The following PDE4A variants were observed in gnomAD, a reference collection of about 807,000 sequenced individuals.
The protein encoded by PDE4A is phosphodiesterase 4A, also known as 3',5'-cyclic-AMP phosphodiesterase 4A.
A neutral mutation model predicts 73.9 loss-of-function variants in PDE4A; 21 were observed. The observed-to-expected ratio is 0.28, with a 90% CI of 0.20 to 0.41. The LOEUF is 0.41. Ranked by LOEUF, PDE4A falls within the 10% of genes least tolerant of loss-of-function variation. The pLI is 1.00. For missense variants in PDE4A, 958 were observed against 1,211.4 expected, an observed-to-expected ratio of 0.79 and a Z score of 3.10; for synonymous variants, 463 against 505.4, an observed-to-expected ratio of 0.92 and a Z score of 1.13.
chr19:10,444,728 T>C (rs918182087), intron 1 of PDE4A, among the ~76,000 whole-genome samples: 10 of 150,156 alleles, frequency 6.7e-5, no homozygotes, highest in Non-Finnish European at 1.3e-4. Flanking sequence ...TGGAGCGCAG[T>C]GGCAAGATCT....
At chr19:10,432,942 A>T (rs1024002651) in intron 1 of PDE4A, among the ~76,000 whole-genome samples, 1 of 152,074 alleles carries the variant, frequency 6.6e-6, no homozygotes, top group Non-Finnish European at 1.5e-5. Flanking sequence ...TGCCTGGCTC[A>T]GTGTCTCCAG....
chr19:10,429,694 A>G (rs1233454075), intron 1 of PDE4A, among the ~76,000 whole-genome samples: 2 of 152,070 alleles, frequency 1.3e-5, no homozygotes, highest in Non-Finnish European at 2.9e-5. Flanking sequence ...GTGGCATTCT[A>G]GGTTGTCCCC....
intron 6 of PDE4A, 166 bp from the exon 7 acceptor site, chr19:10,454,663 G>C: frequency 1.3e-6 from 1 of 799,334 alleles, no homozygotes; most frequent in Non-Finnish European, 1.5e-6. Flanking sequence ...TGGGAGGACA[G>C]GAAAGGCTGA....
intron 7 of PDE4A, 108 bp from the exon 8 acceptor site, chr19:10,457,771 G>GC: frequency 1.3e-6 from 2 of 1,520,530 alleles, no homozygotes; most frequent in South Asian, 2.6e-5. Flanking sequence ...AAAGGGTTCT[G>GC]CCGTTTCGGG....
Position 10,453,928 on chromosome 19 carries a change from G to A in PDE4A, c.784-901G>A, listed in dbSNP as rs75231299. ...AGCACCCCGTCCAAGCCTGGGCCATGCAGGCTCACCCCTCCTGCCAAGTGT... is the reference window on the plus strand; with the variant it reads ...AGCACCCCGTCCAAGCCTGGGCCATACAGGCTCACCCCTCCTGCCAAGTGT... On this transcript the variant is annotated intron_variant, in intron 6 of 14. Transcript: ENST00000380702. This position sits in a 1 kb window ranked among gnomAD's most constrained non-coding sequence, Gnocchi z 4.6. 0.028 allele frequency among the ~76,000 whole-genome samples: 4,280 copies of A among 152,208 alleles called. 198 individuals are homozygous for A. Among genetic ancestry groups the A allele is most frequent in the African/African-American group, 0.098 (4,072 of 41,512 alleles).
chr19:10,439,221 G>A (rs996903416), intron 1 of PDE4A, among the ~76,000 whole-genome samples: 7 of 151,944 alleles, frequency 4.6e-5, no homozygotes, highest in Non-Finnish European at 1.0e-4. Flanking sequence ...TCATTCTGTC[G>A]GCCAGGCTGG....
rs895632451 is a variant in PDE4A at position 10,466,443 on chromosome 19, T to C, written c.1927-444T>C. On this transcript the variant is annotated intron_variant, in intron 14 of 14. Transcript: ENST00000380702. ...CTGGGTGACAGAGCAAGACTCCGTCTCAAAAAAAAAAAAAAAAAAGTGTGT... is the reference window on the plus strand; with the variant it reads ...CTGGGTGACAGAGCAAGACTCCGTCCCAAAAAAAAAAAAAAAAAAGTGTGT... Among the ~76,000 whole-genome samples the C allele has an allele frequency of 4.6e-3, 212 of 46,190 alleles. 2 individuals carry two copies. Among genetic ancestry groups the C allele is most frequent in the East Asian group, 0.038 (45 of 1,188 alleles). 30.3% of individuals were successfully genotyped at this position (46,190 alleles called of 152,430 possible).
Position 10,467,752 on chromosome 19 carries a change from GT to G in PDE4A, c.*138del, listed in dbSNP as rs1257376333. 12 of 643,576 alleles carry G rather than the reference GT, an allele frequency of 1.9e-5. No homozygotes were observed. Among genetic ancestry groups the G allele is most frequent in the East Asian group, 3.1e-5 (1 of 32,580 alleles). The allele number at this position is 643,576 out of a possible 1,614,324, so 39.9% of individuals were successfully genotyped here. ...GAGAAAAAAGAAAACGAAAAGTGGG[GT>G]TTTTTTCTGTTTTCTTTTTTTCCCC... is the stretch of plus-strand genomic sequence containing the variant. On this transcript the variant is annotated 3_prime_UTR_variant, in exon 15 of 15. Coordinates refer to ENST00000380702, the MANE Select transcript of PDE4A (RefSeq NM_001111307.2).
chr19:10,467,086 T>G lies in PDE4A; in HGVS notation c.2126T>G (p.Phe709Cys). ...GHPPLPDKFQ[F>C]ELTLEEEEEE... Reference sequence around the variant, plus strand: ...CCACCCCTGCCTGACAAGTTCCAGTTTGAGCTGACGCTGGAGGAGGAAGAG... The same window carrying G: ...CCACCCCTGCCTGACAAGTTCCAGTGTGAGCTGACGCTGGAGGAGGAAGAG... The change falls in exon 15 of 15, where the codon TTT (phenylalanine) becomes TGT (cysteine). Residue 709 changes from phenylalanine (F) to cysteine (C), a missense_variant. Around this residue, in one of 3 missense-constraint regions of PDE4A, gnomAD observed 243 missense variants for 245.9 expected, o/e 0.99. Transcript: ENST00000380702. 1 of 1,614,072 alleles carries G rather than the reference T, an allele frequency of 6.2e-7. No homozygotes were observed. Among genetic ancestry groups the G allele is most frequent in the Non-Finnish European group, 8.5e-7 (1 of 1,180,004 alleles).
chr19:10,446,594 T>C (rs887744188), intron 2 of PDE4A, among the ~76,000 whole-genome samples, 185 bp downstream of exon 2: 4 of 151,028 alleles, frequency 2.6e-5, no homozygotes, highest in African/African-American at 9.7e-5. Context: ...TTTTTTTTTT[T>C]TTTCTTTTTT....
intron 12 of PDE4A, 46 bp from the exon 13 acceptor site, chr19:10,461,831 T>C: frequency 6.2e-7 from 1 of 1,600,576 alleles, no homozygotes; most frequent in East Asian, 2.2e-5. Context: ...CGGGTCAGTC[T>C]GGGGGGCGGG....
chr19:10,433,265 G>A (rs2042819098), intron 1 of PDE4A, among the ~76,000 whole-genome samples: 1 of 152,060 alleles, frequency 6.6e-6, no homozygotes, highest in Admixed American at 6.6e-5. Flanking sequence ...GTTGACTCAT[G>A]GCCACACACA....
chr19:10,426,867 CAA>C (rs1169070596), intron 1 of PDE4A, among the ~76,000 whole-genome samples: 5 of 99,184 alleles, frequency 5.0e-5, no homozygotes, highest in Non-Finnish European at 4.3e-5. Context: ...GACTCCGTCT[CAA>C]AAAAAAAAAA....
Position 10,421,034 on chromosome 19 carries a change from C to G in PDE4A, c.270C>G (p.Phe90Leu). 7.0e-7 allele frequency: 1 copy of G among 1,434,080 alleles called. No individual in the cohort carries two copies. Among genetic ancestry groups the G allele is most frequent in the Non-Finnish European group, 9.1e-7 (1 of 1,103,848 alleles). The allele number at this position is 1,434,080 out of a possible 1,614,324, so 88.8% of individuals were successfully genotyped here. ...RTTRMSWPSS[F>L]HGTGTGSGGA... ...CCCGCATGTCCTGGCCCTCGTCCTT[C>G]CATGGCACTGGCACCGGCAGCGGCG... The change falls in exon 1 of 15, where the codon TTC becomes TTG. Residue 90 changes from phenylalanine (F) to leucine (L), a missense_variant. Transcript: ENST00000380702.
chr19:10,421,260 G>C (rs1279825805), intron 1 of PDE4A, 176 bp downstream of exon 1: 2 of 985,378 alleles, frequency 2.0e-6, no homozygotes, highest in South Asian at 4.7e-5. Context: ...TGCGCTCTAC[G>C]GGAGGCTTCC....
At chr19:10,433,315 C>A (rs544947297) in intron 1 of PDE4A, among the ~76,000 whole-genome samples, 1 of 144,986 alleles carries the variant, frequency 6.9e-6, no homozygotes, top group Admixed American at 6.8e-5. Flanking sequence ...CCAGCCCTCG[C>A]ACATCCTCGT....
intron 6 of PDE4A, among the ~76,000 whole-genome samples, chr19:10,452,448 AAAAG>A (rs1296985491): frequency 6.6e-6 from 1 of 151,812 alleles, no homozygotes; most frequent in Non-Finnish European, 1.5e-5. Flanking sequence ...CAAAAAAAAA[AAAAG>A]AAATGTGGCT....
At chr19:10,419,242 T>G (rs1037297773), upstream of PDE4A, among the ~76,000 whole-genome samples, 1,694 of 16,724 alleles carry the variant, frequency 0.1, no homozygotes, top group Non-Finnish European at 0.11. Context: ...GGGGGGGCGG[T>G]GGGACACGCG....
chr19:10,445,739 C>T (rs987452034), intron 1 of PDE4A, among the ~76,000 whole-genome samples: 4 of 149,446 alleles, frequency 2.7e-5, no homozygotes, highest in Non-Finnish European at 5.9e-5. Flanking sequence ...CTGCACTACT[C>T]CAGCCTGGGC....
Sources: allele counts gnomAD v4.1 joint callset (sites outside exome capture counted in the v4.1 genomes callset), GRCh38; gene constraint gnomAD v4.1.1; regional missense constraint gnomAD v4.1.1; non-coding constraint Gnocchi (gnomAD v3.1); transcripts MANE v1.5; gene names NCBI Gene and HGNC (gene_info 2026-07-23, HGNC 2026-07-21).